TCF4: variants seen among roughly 807,000 people sequenced by gnomAD.
The protein encoded by TCF4 is SL3-3 enhancer factor 2.
In TCF4, 3 loss-of-function variants were observed where a neutral mutation model predicts 82.1. The ratio of observed to expected loss-of-function variants is 0.04; its 90% CI spans 0.02 to 0.09. The LOEUF (loss-of-function observed/expected upper bound fraction) is 0.09. Ranked by LOEUF, TCF4 falls within the 10% of genes least tolerant of loss-of-function variation. The probability of loss-of-function intolerance (pLI) is 1.00; values close to 1 mark genes in which losing one functional copy is unlikely to be tolerated. For synonymous variants in TCF4, 276 were observed against 309.6 expected (o/e 0.89, Z 1.14); for missense variants, 518 against 852.7 (o/e 0.61, Z 4.89).
At chr18:55,345,134 C>A (rs1360174773) in intron 8 of TCF4, among the ~76,000 whole-genome samples, 2 of 152,070 alleles carry the variant, frequency 1.3e-5, no homozygotes, top group Non-Finnish European at 2.9e-5. Flanking sequence ...TGAGTATGTG[C>A]AAGCCTCTTG....
At chr18:55,375,811 A>T (rs924154635) in intron 6 of TCF4, among the ~76,000 whole-genome samples, 1 of 152,120 alleles carries the variant, frequency 6.6e-6, no homozygotes, top group East Asian at 1.9e-4. Context: ...AAAACATTTA[A>T]AAGTATGAAA....
chr18:55,305,377 A>C (rs2069929980), intron 8 of TCF4, among the ~76,000 whole-genome samples: 1 of 152,218 alleles, frequency 6.6e-6, no homozygotes, highest in African/African-American at 2.4e-5. Context: ...AACACTGTAC[A>C]TGGTCACTTC....
chr18:55,251,773 C>T (rs570611989), intron 15 of TCF4, among the ~76,000 whole-genome samples: 90 of 152,316 alleles, frequency 5.9e-4, no homozygotes, highest in African/African-American at 2.1e-3. Context: ...CACCAGTGCT[C>T]TCTGCTGAAG....
At chr18:55,469,856 T>C (rs546961905) in intron 3 of TCF4, among the ~76,000 whole-genome samples, 31 of 152,308 alleles carry the variant, frequency 2.0e-4, no homozygotes, top group African/African-American at 6.0e-4. Flanking sequence ...CAGGCTAGTA[T>C]ATTTGGACAA....
intron 3 of TCF4, among the ~76,000 whole-genome samples, chr18:55,537,135 G>A (rs1153644): frequency 0.3 from 25,527 of 85,250 alleles, 2,463 homozygotes; most frequent in Admixed American, 0.42. Flanking sequence ...CTCCGTCTCG[G>A]AAAAAAAAAA....
upstream of TCF4, chr18:55,589,628 A>AT: frequency 8.6e-6 from 9 of 1,043,186 alleles, no homozygotes; most frequent in Middle Eastern, 4.4e-4. Flanking sequence ...CTTGTTGGTG[A>AT]TTTTTTTTCT....
At chr18:55,348,865 G>T (rs537820599) in intron 8 of TCF4, among the ~76,000 whole-genome samples, 2 of 152,040 alleles carry the variant, frequency 1.3e-5, no homozygotes, top group Non-Finnish European at 2.9e-5. Flanking sequence ...AACATTCAAA[G>T]GTCCACCAAA....
At chr18:55,514,407 A>G (rs112977626) in intron 3 of TCF4, among the ~76,000 whole-genome samples, 10 of 11,520 alleles carry the variant, frequency 8.7e-4, no homozygotes, top group Non-Finnish European at 1.6e-3. Flanking sequence ...CTATCCATGC[A>G]CACACACACA....
chr18:55,591,880 T>C (rs2097685842), upstream of TCF4, among the ~76,000 whole-genome samples: 1 of 152,228 alleles, frequency 6.6e-6, no homozygotes, highest in African/African-American at 2.4e-5. Context: ...GGATGAAGTT[T>C]GGGATCTAAA....
At chr18:55,277,020 T>C (rs2061604910) in intron 9 of TCF4, among the ~76,000 whole-genome samples, 2 of 152,130 alleles carry the variant, frequency 1.3e-5, no homozygotes. Context: ...AAGATGGAAA[T>C]TGAAGTTACA....
chr18:55,287,940 AG>A (rs1354559932), intron 8 of TCF4, among the ~76,000 whole-genome samples: 3 of 149,944 alleles, frequency 2.0e-5, no homozygotes, highest in East Asian at 1.9e-4. Context: ...GAAATTTACA[AG>A]GGGGAAAAAA....
chr18:55,445,098 C>T lies in TCF4; in HGVS notation c.304+15921G>A, dbSNP rs76194332. ...CCTTGCCCTCAAGTTGCCTCCTATTCACAGTTGCTTGAGTGTCCTAAATCA... is the reference window on the plus strand; with the variant it reads ...CCTTGCCCTCAAGTTGCCTCCTATTTACAGTTGCTTGAGTGTCCTAAATCA... On this transcript the variant is annotated intron_variant, in intron 5 of 19. Coordinates refer to ENST00000354452, the MANE Select transcript of TCF4 (RefSeq NM_001083962.2). Among the ~76,000 whole-genome samples, 118 of 152,174 alleles carry T rather than the reference C, an allele frequency of 7.8e-4. 2 individuals carry two copies. The East Asian group carries it at 0.021, about 27-fold the overall frequency.
At chr18:55,303,992 A>G (rs1019270665) in intron 8 of TCF4, among the ~76,000 whole-genome samples, 2 of 152,244 alleles carry the variant, frequency 1.3e-5, no homozygotes, top group Admixed American at 6.5e-5. Flanking sequence ...CGGTGTAAAC[A>G]TTAGTTATAT....
chr18:55,357,891 A>G (rs1392318627), intron 6 of TCF4, among the ~76,000 whole-genome samples: 2 of 152,216 alleles, frequency 1.3e-5, no homozygotes, highest in Non-Finnish European at 2.9e-5. Flanking sequence ...AAATAAGGTG[A>G]CACCTCCATC....
intron 3 of TCF4, among the ~76,000 whole-genome samples, chr18:55,549,555 G>C (rs1301447624): frequency 2.6e-5 from 4 of 151,946 alleles, no homozygotes; most frequent in African/African-American, 9.7e-5. Flanking sequence ...CATTAGTCTA[G>C]GCCTACATAG....
chr18:55,463,074 C>T (rs2095904210), intron 4 of TCF4, among the ~76,000 whole-genome samples: 4 of 152,176 alleles, frequency 2.6e-5, no homozygotes, highest in African/African-American at 4.8e-5. Flanking sequence ...AAATGTTACC[C>T]TCCCTGCAGA....
intron 5 of TCF4, among the ~76,000 whole-genome samples, chr18:55,420,792 G>A (rs1237344455): frequency 1.3e-5 from 2 of 151,672 alleles, no homozygotes; most frequent in Non-Finnish European, 2.9e-5. Context: ...CATTAGATGT[G>A]GTTTTGACAA....
chr18:55,364,972 G>A (rs886111451), intron 6 of TCF4, among the ~76,000 whole-genome samples: 3 of 151,086 alleles, frequency 2.0e-5, no homozygotes, highest in South Asian at 4.2e-4. Flanking sequence ...ATCCTAATAC[G>A]GTGAAACTCT....
chr18:55,582,887 T>A (rs1408409274), intron 3 of TCF4, among the ~76,000 whole-genome samples: 1 of 152,140 alleles, frequency 6.6e-6, no homozygotes, highest in Non-Finnish European at 1.5e-5. Flanking sequence ...TTTAGAAAAT[T>A]ATTTCTCTCT....
Sources: gnomAD v4.1 joint callset for allele counts (sites outside exome capture counted in the v4.1 genomes callset) on GRCh38, gnomAD v4.1.1 for gene constraint, MANE v1.5 for transcripts, NCBI Gene and HGNC (gene_info 2026-07-23, HGNC 2026-07-21) for gene names.